The following CCDC14 variants were observed in gnomAD, a reference collection of about 807,000 sequenced individuals.
The protein encoded by CCDC14 is coiled-coil domain containing 14, also known as coiled-coil domain-containing protein 14.
CCDC14 carries 71 observed loss-of-function variants against 81.4 expected under a neutral mutation model. The observed-to-expected ratio is 0.87, with a 90% CI of 0.72 to 1.06. CCDC14 has a LOEUF of 1.06. Ranked by LOEUF, CCDC14 falls within the 50% of genes least tolerant of loss-of-function variation. The pLI is 0.00. For synonymous variants in CCDC14, 332 were observed against 364.8 expected (o/e 0.91, Z 1.03); for missense variants, 1,046 against 1,047.3 (o/e 1.00, Z 0.02).
chr3:123,885,238 T>C, the CCDC14 span, among the ~76,000 whole-genome samples: 1 of 152,004 alleles, frequency 6.6e-6, no homozygotes, highest in Admixed American at 6.6e-5. Flanking sequence ...AAAAAACAAA[T>C]ATATAGATAT....
intron 12 of CCDC14, among the ~76,000 whole-genome samples, chr3:123,916,144 G>A (rs1327369816): frequency 2.0e-5 from 3 of 151,894 alleles, no homozygotes; most frequent in Admixed American, 6.6e-5. Context: ...GATTACAGGT[G>A]CGCATCACCA....
At chr3:123,926,133 G>C (rs2148830528) in intron 12 of CCDC14, among the ~76,000 whole-genome samples, 2 of 152,122 alleles carry the variant, frequency 1.3e-5, no homozygotes, top group East Asian at 3.9e-4. Flanking sequence ...TGTTGCTATA[G>C]ATAAAATCAG....
In CCDC14 at chr3:123,947,287, T is replaced by C. The variant is rs537312207; in HGVS notation, c.717A>G (p.Ala239=). Residue 239 remains alanine (A), a synonymous_variant, in exon 8 of 13, where the codon GCA becomes GCG. Transcript: ENST00000409697. ...TTGCAGAAACTGTTTTACCTTGTGA[T>C]GCAAACTGACTGTTGCCATCAGTTT... The part of the protein sequence containing the change: ...EVQTDGNSQF[A]SQGKTVSATC... The C allele has an allele frequency of 1.6e-5, 26 of 1,612,170 alleles. No homozygotes were observed. In the South Asian group the frequency reaches 2.7e-4, roughly 17 times the overall value.
intron 2 of CCDC14, 142 bp from the exon 3 acceptor site, chr3:123,956,569 A>C (rs1301868103): frequency 1.3e-6 from 1 of 749,140 alleles, no homozygotes; most frequent in African/African-American, 1.8e-5. Context: ...GAAGATCAGA[A>C]AGACTGTTAA....
chr3:123,956,710 C>T, intron 2 of CCDC14, 30 bp downstream of exon 2: 1 of 1,523,384 alleles, frequency 6.6e-7, no homozygotes, highest in Non-Finnish European at 8.9e-7. Context: ...TCCTTGAAAT[C>T]TGAAGTTGTA....
chr3:123,940,872 A>G (rs778489249), intron 9 of CCDC14, among the ~76,000 whole-genome samples: 8 of 152,060 alleles, frequency 5.3e-5, no homozygotes, highest in Non-Finnish European at 1.2e-4. Context: ...AGGCTCTCCT[A>G]TTACCTTGCC....
the CCDC14 span, among the ~76,000 whole-genome samples, chr3:123,890,466 G>A: frequency 2.0e-5 from 3 of 152,222 alleles, no homozygotes; most frequent in Admixed American, 6.5e-5. Flanking sequence ...TACAATGAAA[G>A]TACAGGCATT....
chr3:123,913,509 T>G lies in CCDC14; in HGVS notation c.*1270A>C. The stretch of plus-strand genomic sequence containing the variant: ...ACCTCCAAATAAGATGCCAATAAAT[T>G]AATTCATGAATACTAAATAAAATTA... On this transcript the variant is annotated 3_prime_UTR_variant, in exon 13 of 13. Coordinates refer to ENST00000409697, the MANE Select transcript of CCDC14 (RefSeq NM_001366335.1). The G allele has an allele frequency of 1.0e-6, 1 of 980,552 alleles. No homozygotes were observed. The highest frequency in any genetic ancestry group is 1.7e-5 in the African/African-American group (1 of 57,226). 60.7% of individuals were successfully genotyped at this position (980,552 alleles called of 1,614,324 possible). A position where few individuals can be genotyped will look rare whatever the true frequency, so the allele number is the denominator to read the frequency against.
At chr3:123,892,111 A>G in the CCDC14 span, among the ~76,000 whole-genome samples, 15,792 of 152,188 alleles carry the variant, frequency 0.1, 1,931 homozygotes, top group East Asian at 0.46. Context: ...CCATGATTCA[A>G]TCATCTCCCA....
In CCDC14 at chr3:123,914,839, T is replaced by G. The variant is rs781032575; in HGVS notation, c.2658A>C (p.Ala886=). The G allele has an allele frequency of 3.1e-6, 5 of 1,603,064 alleles. No homozygotes were observed. The highest frequency in any genetic ancestry group is 4.3e-6 in the Non-Finnish European group (5 of 1,174,462). Reference sequence around the variant, plus strand: ...GGAGTCTAGCTATGTTGGCATCTAATGCCGCAAGGCCATTTCTGAAGTCTT... The same window carrying G: ...GGAGTCTAGCTATGTTGGCATCTAAGGCCGCAAGGCCATTTCTGAAGTCTT... ...DEQDFRNGLA[A]LDANIARLQK... The change falls in exon 13 of 13, where the codon GCA becomes GCC. Residue 886 remains alanine, a synonymous_variant. Coordinates refer to ENST00000409697, the MANE Select transcript of CCDC14 (RefSeq NM_001366335.1).
chr3:123,917,742 G>A (rs1001234435), intron 12 of CCDC14, among the ~76,000 whole-genome samples: 3 of 151,948 alleles, frequency 2.0e-5, no homozygotes, highest in African/African-American at 7.3e-5. Context: ...ACTGGTGGGA[G>A]TGTACAGTGG....
At chr3:123,909,137 C>T (rs998906836), downstream of CCDC14, among the ~76,000 whole-genome samples, 1 of 152,024 alleles carries the variant, frequency 6.6e-6, no homozygotes, top group South Asian at 2.1e-4. Flanking sequence ...TCTCTTACCC[C>T]ACTCTGGGCC....
Position 123,913,850 on chromosome 3 carries a change from C to T in CCDC14, c.*929G>A. On this transcript the variant is annotated 3_prime_UTR_variant, in exon 13 of 13. Transcript: ENST00000409697. ...GCTTCCTAAGAGTTAAAACGTGCTGCTTACATGAAGGGAGATGATACTGAG... is the reference window on the plus strand; with the variant it reads ...GCTTCCTAAGAGTTAAAACGTGCTGTTTACATGAAGGGAGATGATACTGAG... 2.0e-6 allele frequency: 2 copies of T among 985,286 alleles called. No homozygotes were observed. Among genetic ancestry groups the T allele is most frequent in the East Asian group, 1.1e-4 (1 of 8,812 alleles). 61.0% of individuals were successfully genotyped at this position (985,286 alleles called of 1,614,324 possible).
intron 10 of CCDC14, 33 bp from the exon 11 acceptor site, chr3:123,931,559 C>T (rs1373690154): frequency 9.7e-6 from 12 of 1,238,966 alleles, no homozygotes; most frequent in African/African-American, 1.6e-5. Context: ...ATAGTTGTTT[C>T]CCAAACCTAA....
chr3:123,949,214 C>A, intron 5 of CCDC14, 82 bp from the exon 6 acceptor site: 1 of 804,464 alleles, frequency 1.2e-6, no homozygotes. Flanking sequence ...AGAAAGGGCT[C>A]TCAGAAGTAG....
downstream of CCDC14, among the ~76,000 whole-genome samples, chr3:123,893,165 A>G (rs1246226621): frequency 6.6e-6 from 1 of 152,184 alleles, no homozygotes; most frequent in African/African-American, 2.4e-5. Context: ...CATATTGTGT[A>G]ACTATCTATT....
downstream of CCDC14, among the ~76,000 whole-genome samples, chr3:123,908,960 A>G (rs993659851): frequency 2.0e-5 from 3 of 152,064 alleles, no homozygotes; most frequent in Admixed American, 6.5e-5. Flanking sequence ...TGACTGACCT[A>G]AAAAAAAGAA....
the CCDC14 span, among the ~76,000 whole-genome samples, chr3:123,890,113 G>A: frequency 6.6e-6 from 1 of 152,126 alleles, no homozygotes; most frequent in Non-Finnish European, 1.5e-5. Context: ...ATCAGATCTT[G>A]TGAGACCCAT....
At chr3:123,937,043 A>G (rs1024394446) in intron 9 of CCDC14, among the ~76,000 whole-genome samples, 3 of 152,088 alleles carry the variant, frequency 2.0e-5, no homozygotes, top group African/African-American at 4.8e-5. Context: ...GCATGTATCA[A>G]TAGTTCTTAC....
Sources: allele counts gnomAD v4.1 joint callset (sites outside exome capture counted in the v4.1 genomes callset), GRCh38; gene constraint gnomAD v4.1.1; transcripts MANE v1.5; gene names NCBI Gene and HGNC (gene_info 2026-07-23, HGNC 2026-07-21).